The following ARL9 variants were observed in gnomAD, a reference collection of about 807,000 sequenced individuals.
ARL9 encodes the protein ARF like GTPase 9.
Under a neutral mutation model 27.0 loss-of-function variants are expected in ARL9, and 14 were observed. The observed-to-expected ratio is 0.52, with a 90% confidence interval of 0.34 to 0.81. The LOEUF (loss-of-function observed/expected upper bound fraction) is 0.81, where lower values mean the gene tolerates loss of function less well. Ranked by LOEUF, ARL9 falls within the 30% of genes least tolerant of loss-of-function variation. The pLI, the probability that ARL9 is intolerant of heterozygous loss-of-function variation, is 0.01. For missense variants in ARL9, 294 were observed against 290.0 expected (o/e 1.01, Z -0.10); for synonymous variants, 106 against 108.7 (o/e 0.98, Z 0.15).
At chr4:56,511,742 C>A (rs1217657253) in intron 2 of ARL9, among the ~76,000 whole-genome samples, 1 of 152,176 alleles carries the variant, frequency 6.6e-6, no homozygotes, top group African/African-American at 2.4e-5. Flanking sequence ...AGTCCACAGG[C>A]CCCTACTGGA....
At chr4:56,521,008 G>A (rs748397428) in intron 3 of ARL9, among the ~76,000 whole-genome samples, 25 of 152,050 alleles carry the variant, frequency 1.6e-4, no homozygotes, top group Admixed American at 4.6e-4. Context: ...TCAGGAGTTC[G>A]AGACCAGCCT....
chr4:56,521,016 C>T (rs1721901362), intron 3 of ARL9, among the ~76,000 whole-genome samples: 1 of 151,986 alleles, frequency 6.6e-6, no homozygotes, highest in Admixed American at 6.6e-5. Flanking sequence ...TCGAGACCAG[C>T]CTGGCCAACA....
intron 1 of ARL9, 47 bp from the exon 2 acceptor site, chr4:56,511,138 G>T (rs1480500680): frequency 6.9e-7 from 1 of 1,445,770 alleles, no homozygotes; most frequent in African/African-American, 1.4e-5. Context: ...CCAGAAAAAT[G>T]AGCCCCTGAT....
chr4:56,511,792 C>T (rs973403184), intron 2 of ARL9, among the ~76,000 whole-genome samples: 3 of 152,134 alleles, frequency 2.0e-5, no homozygotes, highest in African/African-American at 4.8e-5. Context: ...ATTACTGTCT[C>T]CTGAAGTTGG....
At chr4:56,510,316 C>T (rs1462859125) in intron 1 of ARL9, among the ~76,000 whole-genome samples, 3 of 147,962 alleles carry the variant, frequency 2.0e-5, no homozygotes, top group African/African-American at 7.6e-5. Context: ...GATCGTGCCA[C>T]TGCACTCCAG....
chr4:56,505,773 G>T, upstream of ARL9: 1 of 1,366,120 alleles, frequency 7.3e-7, no homozygotes, highest in Middle Eastern at 2.8e-4. Context: ...TCTCTGTCGG[G>T]CGTGCACCTC....
chr4:56,518,339 A>C (rs563453941), intron 2 of ARL9, among the ~76,000 whole-genome samples: 1 of 152,060 alleles, frequency 6.6e-6, no homozygotes, highest in Admixed American at 6.6e-5. Context: ...ACCTGGCCTT[A>C]CTCCCATTTT....
rs928566516 is a variant in ARL9 at position 56,519,077 on chromosome 4, G to A, written c.618+224G>A. Among the ~76,000 whole-genome samples, 7 of 152,232 alleles carry A rather than the reference G, an allele frequency of 4.6e-5. No individual in the cohort carries two copies. In the East Asian group the frequency reaches 7.7e-4, roughly 17 times the overall value. On this transcript the variant is annotated intron_variant, in intron 3 of 3. Coordinates refer to ENST00000640821, the MANE Select transcript of ARL9 (RefSeq NM_001363794.2). ...TGTGCATGCTAGGAATTCAACAGAT[G>A]TGTGTTGAACTTAGTTCAATAAATA...
At chr4:56,514,424 C>T (rs989242375) in intron 2 of ARL9, among the ~76,000 whole-genome samples, 1 of 151,964 alleles carries the variant, frequency 6.6e-6, no homozygotes, top group African/African-American at 2.4e-5. Context: ...AATAGATAAA[C>T]AAAATAGACA....
chr4:56,510,000 T>TTAA (rs1721589423), intron 1 of ARL9, among the ~76,000 whole-genome samples: 1 of 151,964 alleles, frequency 6.6e-6, no homozygotes, highest in Non-Finnish European at 1.5e-5. Context: ...AAATACTCAT[T>TTAA]TGTGATTGAA....
chr4:56,510,830 T>A (rs1327344730), intron 1 of ARL9, among the ~76,000 whole-genome samples: 2 of 151,332 alleles, frequency 1.3e-5, no homozygotes, highest in Non-Finnish European at 2.9e-5. Context: ...TGGAGTTCAG[T>A]GTGTGATCTC....
intron 1 of ARL9, chr4:56,506,531 G>C (rs905999310): frequency 2.2e-5 from 14 of 636,356 alleles, no homozygotes; most frequent in East Asian, 2.4e-4. Context: ...CCACACGCAG[G>C]CCCTCTTTGC....
rs1471380683 is a variant in ARL9 at position 56,518,799 on chromosome 4, T to C, written c.564T>C (p.His188=). ...TACCTGAAGCCAAGAAATACCTTCA[T>C]CAGCTAATTGCAGCAAACCCAGTAC... ...SRLPEAKKYL[H]QLIAANPVLP... The change falls in exon 3 of 4, where the codon CAT becomes CAC. Residue 188 remains histidine (H), a synonymous_variant. Transcript: ENST00000640821. 3.7e-6 allele frequency: 6 copies of C among 1,614,052 alleles called. No homozygotes were observed. Among genetic ancestry groups the C allele is most frequent in the Non-Finnish European group, 5.1e-6 (6 of 1,179,908 alleles).
chr4:56,507,381 C>G (rs1377049360), intron 1 of ARL9, among the ~76,000 whole-genome samples: 1 of 151,508 alleles, frequency 6.6e-6, no homozygotes, highest in Non-Finnish European at 1.5e-5. Context: ...GTGGCGTGAT[C>G]TCGGCTCACT....
chr4:56,511,322 A>G lies in ARL9; in HGVS notation c.417A>G (p.Glu139=), dbSNP rs542280076. The change falls in exon 2 of 4, where the codon GAA becomes GAG. Residue 139 remains glutamate (E), a synonymous_variant. Coordinates refer to ENST00000640821, the MANE Select transcript of ARL9 (RefSeq NM_001363794.2). The stretch of plus-strand genomic sequence containing the variant: ...TCCATGCAGTTTGCATCAACACTGA[A>G]GACAGCCAGATGGAGTTCCTGGAGA... ...QGFHAVCINT[E]DSQMEFLEIG... 4 of 1,613,580 alleles carry G rather than the reference A, an allele frequency of 2.5e-6. No individual in the cohort carries two copies. In the South Asian group the frequency reaches 4.4e-5, roughly 18 times the overall value.
intron 2 of ARL9, among the ~76,000 whole-genome samples, chr4:56,514,243 T>A (rs1003575877): frequency 6.6e-6 from 1 of 152,062 alleles, no homozygotes; most frequent in African/African-American, 2.4e-5. Context: ...TGATTATAGC[T>A]GAAAGGAAAA....
chr4:56,523,594 G>A, intron 3 of ARL9, 103 bp from the exon 4 acceptor site: 1 of 881,004 alleles, frequency 1.1e-6, no homozygotes, highest in Non-Finnish European at 1.7e-6. Context: ...ATATGAAAAT[G>A]GTGTGGTCAC....
At chr4:56,522,961 T>G (rs1445154011) in intron 3 of ARL9, among the ~76,000 whole-genome samples, 1 of 152,228 alleles carries the variant, frequency 6.6e-6, no homozygotes, top group Non-Finnish European at 1.5e-5. Flanking sequence ...AAACTCACAG[T>G]GGCAAGAACT....
At chr4:56,514,522 G>C (rs1280734512) in intron 2 of ARL9, among the ~76,000 whole-genome samples, 3 of 152,142 alleles carry the variant, frequency 2.0e-5, no homozygotes, top group Non-Finnish European at 4.4e-5. Context: ...TGATTAGGAT[G>C]ACAAGAGTAT....
Sources: allele counts gnomAD v4.1 joint callset (sites outside exome capture counted in the v4.1 genomes callset), GRCh38; gene constraint gnomAD v4.1.1; transcripts MANE v1.5; gene names NCBI Gene and HGNC (gene_info 2026-07-23, HGNC 2026-07-21).